The following CNTNAP1 variants were observed in gnomAD, a reference collection of about 807,000 sequenced individuals.
CNTNAP1 encodes the protein contactin associated protein 1.
In CNTNAP1, 80 loss-of-function variants were observed where a neutral mutation model predicts 161.5. The observed-to-expected ratio is 0.50, with a 90% confidence interval of 0.41 to 0.60. The LOEUF is 0.60. CNTNAP1 is among the 20% of genes least tolerant of loss of function. The pLI, the probability that CNTNAP1 is intolerant of heterozygous loss-of-function variation, is 0.00. For synonymous variants in CNTNAP1, 695 were observed against 733.1 expected, an observed-to-expected ratio of 0.95 and a Z score of 0.84; for missense variants, 1,464 against 1,854.8, an observed-to-expected ratio of 0.79 and a Z score of 3.87.
At chr17:42,696,470 T>C (rs998473185) in intron 20 of CNTNAP1, among the ~76,000 whole-genome samples, 2 of 151,792 alleles carry the variant, frequency 1.3e-5, no homozygotes, top group African/African-American at 2.4e-5. Flanking sequence ...ATTACAGGCA[T>C]GCGCCACAAC....
intron 19 of CNTNAP1, 55 bp from the exon 20 acceptor site, chr17:42,695,969 TA>T: frequency 6.2e-7 from 1 of 1,605,534 alleles, no homozygotes; most frequent in Non-Finnish European, 8.5e-7. Context: ...CACGTGCTGT[TA>T]GAAGATAGGA....
chr17:42,684,023 G>T lies in CNTNAP1; in HGVS notation c.170-13G>T. ...AGAGGGATAGCCGGTTAAAGCTCCT[G>T]TCCTTTCTATAGGCATAAGCGGGTG... is the stretch of plus-strand genomic sequence containing the variant. On this transcript the variant is annotated splice_polypyrimidine_tract_variant and intron_variant, in intron 2 of 23. Coordinates refer to ENST00000264638, the MANE Select transcript of CNTNAP1 (RefSeq NM_003632.3). 6.2e-7 allele frequency: 1 copy of T among 1,613,948 alleles called. No homozygotes were observed. Among genetic ancestry groups the T allele is most frequent in the Non-Finnish European group, 8.5e-7 (1 of 1,179,864 alleles).
rs1216044292 is a variant in CNTNAP1, at chr17:42,698,706, C to T, written c.3951C>T (p.Thr1317=). The change falls in exon 24 of 24, where the codon ACC becomes ACT. Residue 1317 remains threonine (T), a synonymous_variant. Transcript: ENST00000264638. ...ATCGCTATAAGGGCTCCTACCATAC[C>T]AATGAGCCCAAGGCTGCCCACGAGT... ...QNHRYKGSYH[T]NEPKAAHEYH... is the part of the protein sequence containing the mutation. The T allele has an allele frequency of 6.2e-7, 1 of 1,613,554 alleles. No individual in the cohort carries two copies. The highest frequency in any genetic ancestry group is 8.5e-7 in the Non-Finnish European group (1 of 1,179,826).
rs1449013320 is a variant in CNTNAP1, at chr17:42,698,905, G to C, written c.4150G>C (p.Glu1384Gln). 2 of 1,520,450 alleles carry C rather than the reference G, an allele frequency of 1.3e-6. No homozygotes were observed. Among genetic ancestry groups the C allele is most frequent in the Admixed American group, 3.9e-5 (2 of 51,006 alleles). 94.2% of individuals were successfully genotyped at this position (1,520,450 alleles called of 1,614,324 possible). Residue 1384 changes from glutamate (E) to glutamine (Q), a missense_variant, in exon 24 of 24, where the codon GAA (glutamate) becomes CAA (glutamine). By Grantham distance (29) the Glu-to-Gln change is conservative. Around this residue, in one of 3 missense-constraint regions of CNTNAP1, gnomAD observed 1,383 missense variants for 1,765.0 expected, o/e 0.78. Transcript: ENST00000264638. ...LPQILEESRS[E>Q] Reference sequence around the variant, plus strand: ...CCAGATCCTGGAGGAGTCCAGGTCTGAATGAGTCAGAAGGGCTTCTGGGAC... The same window carrying C: ...CCAGATCCTGGAGGAGTCCAGGTCTCAATGAGTCAGAAGGGCTTCTGGGAC...
chr17:42,690,935 C>T lies in CNTNAP1; in HGVS notation c.2052C>T (p.Asn684=), dbSNP rs780967120. The change falls in exon 13 of 24, where the codon AAC becomes AAT. Residue 684 remains asparagine (N), a synonymous_variant. Coordinates refer to ENST00000264638, the MANE Select transcript of CNTNAP1 (RefSeq NM_003632.3). ...EFSCYNSRLL[N]TAGGYPYSFW... ...CCTGCTACAATTCCCGGCTGCTCAA[C>T]ACTGCAGGTTAGGGCTGGGGTCAGG... The T allele has an allele frequency of 6.2e-7, 1 of 1,614,168 alleles. No individual in the cohort carries two copies.
In CNTNAP1 at chr17:42,696,040, G is replaced by C. The variant is rs1481386569; in HGVS notation, c.3362G>C (p.Arg1121Pro). Residue 1121 changes from arginine to proline, a missense_variant, in exon 20 of 24, where the codon CGA becomes CCA. Arg to Pro is a moderately radical substitution (Grantham distance 103). This residue lies in a region of CNTNAP1 where 1,383 missense variants were observed against 1,765.0 expected (regional missense o/e 0.78). Transcript: ENST00000264638. ...LIKDDGTLQL[R>P]YQLGTSPYVY... Reference sequence around the variant, plus strand: ...CACCCCACAGGGACCCTTCAGCTGCGATATCAGCTGGGCACCAGTCCCTAC... The same window carrying C: ...CACCCCACAGGGACCCTTCAGCTGCCATATCAGCTGGGCACCAGTCCCTAC... The C allele has an allele frequency of 1.9e-6, 3 of 1,614,070 alleles. No homozygotes were observed. Among genetic ancestry groups the C allele is most frequent in the Non-Finnish European group, 2.5e-6 (3 of 1,180,010 alleles).
chr17:42,689,942 T>C (rs749427258), intron 11 of CNTNAP1, 146 bp from the exon 12 acceptor site: 2 of 812,296 alleles, frequency 2.5e-6, no homozygotes, highest in Non-Finnish European at 2.0e-6. Flanking sequence ...GGTTTCACCA[T>C]GTTGGCCAGG....
At chr17:42,683,410 A>T in intron 1 of CNTNAP1, 1 of 1,086,612 alleles carries the variant, frequency 9.2e-7, no homozygotes, top group Non-Finnish European at 1.1e-6. Flanking sequence ...GTTGGGTGCA[A>T]GGCCTGTATT....
At position 42,697,967 on chromosome 17, in the gene CNTNAP1, A is replaced by T. The variant is rs763116460; in HGVS notation, c.3862+17A>T. ...TTTTAGGCTGTGAGTAGCACTGATC[A>T]CTAAGCTGACCTCCCAAGACTACCC... is the stretch of plus-strand genomic sequence containing the variant. On this transcript the variant is annotated intron_variant, in intron 23 of 23. Coordinates refer to ENST00000264638, the MANE Select transcript of CNTNAP1 (RefSeq NM_003632.3). The T allele has an allele frequency of 6.2e-7, 1 of 1,614,084 alleles. No homozygotes were observed. The highest frequency in any genetic ancestry group is 8.5e-7 in the Non-Finnish European group (1 of 1,179,930).
At chr17:42,689,964 C>T (rs967005703) in intron 11 of CNTNAP1, 124 bp from the exon 12 acceptor site, 1 of 1,093,406 alleles carries the variant, frequency 9.1e-7, no homozygotes. Context: ...TGGTCTCGAA[C>T]TCCTGACCTC....
At chr17:42,683,080 G>A in intron 1 of CNTNAP1, 184 bp downstream of exon 1, 1 of 653,056 alleles carries the variant, frequency 1.5e-6, no homozygotes, top group Non-Finnish European at 2.6e-6. Flanking sequence ...TGCCGCGCGC[G>A]CCCGGGGCTG....
chr17:42,698,534 CGTGTGTGTGTGTGTGTGTGTGT>C, intron 23 of CNTNAP1, 62 bp from the exon 24 acceptor site: 3 of 863,892 alleles, frequency 3.5e-6, no homozygotes, highest in Non-Finnish European at 5.2e-6. Flanking sequence ...TCAAAGAGTG[CGTGTGTGTGTGTGTGTGTGTGT>C]GTGTGTGTGT....
At position 42,699,913 on chromosome 17, in the gene CNTNAP1, G is replaced by GC. The variant is rs2143687400; in HGVS notation, c.*1005dup. ...GCTGGTCACCCACCAGCCTGGTCCG[G>GC]CCTCCACTCTGAAGCAGGGTTGAGC... On this transcript the variant is annotated 3_prime_UTR_variant, in exon 24 of 24. Transcript: ENST00000264638. 1 of 152,946 alleles carries GC rather than the reference G, an allele frequency of 6.5e-6. No homozygotes were observed. The highest frequency in any genetic ancestry group is 1.9e-4 in the East Asian group (1 of 5,306). The allele number at this position is 152,946 out of a possible 1,614,324, so 9.5% of individuals were successfully genotyped here. A position where few individuals can be genotyped will look rare whatever the true frequency, so the allele number is the denominator to read the frequency against.
intron 11 of CNTNAP1, 123 bp from the exon 12 acceptor site, chr17:42,689,965 T>C (rs2053064013): frequency 9.1e-7 from 1 of 1,103,038 alleles, no homozygotes; most frequent in Non-Finnish European, 1.3e-6. Context: ...GGTCTCGAAC[T>C]CCTGACCTCG....
At chr17:42,689,098 G>T in intron 10 of CNTNAP1, 51 bp downstream of exon 10, 1 of 1,502,036 alleles carries the variant, frequency 6.7e-7, no homozygotes. Context: ...CCTCTTCCCT[G>T]GTCTCCCAGT....
At position 42,691,632 on chromosome 17, in the gene CNTNAP1, G is replaced by C. The variant is rs948001692; in HGVS notation, c.2344+121G>C. Reference sequence around the variant, plus strand: ...CCCGACCCCCAGCTCCTGCTGTGATGCGATCTCATTACCCCTCTGCACCTG... The same window carrying C: ...CCCGACCCCCAGCTCCTGCTGTGATCCGATCTCATTACCCCTCTGCACCTG... On this transcript the variant is annotated intron_variant, in intron 15 of 23. Coordinates refer to ENST00000264638, the MANE Select transcript of CNTNAP1 (RefSeq NM_003632.3). This position sits in a 1 kb window ranked among gnomAD's most constrained non-coding sequence, Gnocchi z 4.3. The C allele has an allele frequency of 8.3e-6, 12 of 1,449,136 alleles. No homozygotes were observed. The highest frequency in any genetic ancestry group is 1.1e-5 in the Non-Finnish European group (12 of 1,055,514). The allele number at this position is 1,449,136 out of a possible 1,614,324, so 89.8% of individuals were successfully genotyped here.
chr17:42,683,628 A>AG (rs1185799176), intron 1 of CNTNAP1, 193 bp from the exon 2 acceptor site: 3 of 1,426,648 alleles, frequency 2.1e-6, no homozygotes, highest in Admixed American at 2.9e-5. Flanking sequence ...TAGAAGGAGA[A>AG]GGTAGCCTCC....
At chr17:42,683,796 C>CT (rs2052968869) in intron 1 of CNTNAP1, 25 bp from the exon 2 acceptor site, 1 of 1,555,592 alleles carries the variant, frequency 6.4e-7, no homozygotes, top group Non-Finnish European at 8.7e-7. Flanking sequence ...CCAGCGCTGA[C>CT]TAACAGTCGG....
Position 42,686,892 on chromosome 17 carries a change from G to GC in CNTNAP1, c.901-9dup. ...GTGCCCAAGAGGCCTCATTCCCCAC[G>GC]CCTCCCGCAGATGTTCATCGGAGGT... On this transcript the variant is annotated splice_polypyrimidine_tract_variant and intron_variant, in intron 6 of 23. Transcript: ENST00000264638. 5.7e-6 allele frequency: 9 copies of GC among 1,590,644 alleles called. No individual in the cohort carries two copies. Among genetic ancestry groups the GC allele is most frequent in the Non-Finnish European group, 7.7e-6 (9 of 1,162,242 alleles).
Sources: gnomAD v4.1 joint callset for allele counts (sites outside exome capture counted in the v4.1 genomes callset) on GRCh38, gnomAD v4.1.1 for gene constraint, gnomAD v4.1.1 regional missense constraint, Gnocchi (gnomAD v3.1) non-coding constraint, MANE v1.5 for transcripts, NCBI Gene and HGNC (gene_info 2026-07-23, HGNC 2026-07-21) for gene names.